Variants in LSAMP observed in about 807,000 individuals in gnomAD.
The protein encoded by LSAMP is limbic system associated membrane protein.
In LSAMP, 7 loss-of-function variants were observed where a neutral mutation model predicts 38.6. The observed-to-expected ratio is 0.18, with a 90% CI of 0.10 to 0.34. The LOEUF (loss-of-function observed/expected upper bound fraction) is 0.34, where lower values mean the gene tolerates loss of function less well. Ranked by LOEUF, LSAMP falls within the 10% of genes least tolerant of loss-of-function variation. The probability of loss-of-function intolerance (pLI) is 1.00; values close to 1 mark genes in which losing one functional copy is unlikely to be tolerated. For synonymous variants in LSAMP, 154 were observed against 166.8 expected (o/e 0.92, Z 0.59); for missense variants, 313 against 420.0 (o/e 0.75, Z 2.23).
At chr3:116,165,758 C>T (rs538766665) in intron 1 of LSAMP, among the ~76,000 whole-genome samples, 1 of 152,316 alleles carries the variant, frequency 6.6e-6, no homozygotes, top group South Asian at 2.1e-4. Context: ...TCACTCCCCT[C>T]TTGTTCTTAA....
At chr3:115,833,757 G>A (rs143112479) in intron 6 of LSAMP, among the ~76,000 whole-genome samples, 15 of 136,444 alleles carry the variant, frequency 1.1e-4, no homozygotes, top group African/African-American at 3.3e-4. Flanking sequence ...CCTAGTTTCC[G>A]TTTTTTTCTC....
chr3:116,372,320 A>G (rs113393832), intron 1 of LSAMP, among the ~76,000 whole-genome samples: 3 of 152,222 alleles, frequency 2.0e-5, no homozygotes, highest in African/African-American at 7.2e-5. Context: ...CAATGGGGGA[A>G]AGGACAGTAT....
At chr3:115,844,920 T>C (rs1193110732) in intron 4 of LSAMP, among the ~76,000 whole-genome samples, 1 of 152,102 alleles carries the variant, frequency 6.6e-6, no homozygotes, top group African/African-American at 2.4e-5. Context: ...GAGGTTGCAG[T>C]GAGCCGAGAT....
At chr3:116,198,186 G>A (rs1339111166) in intron 1 of LSAMP, among the ~76,000 whole-genome samples, 2 of 152,200 alleles carry the variant, frequency 1.3e-5, no homozygotes, top group Non-Finnish European at 2.9e-5. Context: ...CAGATGGGAA[G>A]TTGCTACTGT....
chr3:115,844,135 G>A (rs530893139), intron 4 of LSAMP, among the ~76,000 whole-genome samples: 6 of 152,098 alleles, frequency 3.9e-5, no homozygotes, highest in African/African-American at 1.2e-4. Context: ...ATGATTTATA[G>A]CATCCTTTCC....
chr3:115,891,799 A>G (rs1445446668), intron 3 of LSAMP, among the ~76,000 whole-genome samples: 2 of 151,942 alleles, frequency 1.3e-5, no homozygotes, highest in African/African-American at 4.8e-5. Context: ...CTTCTCTTCC[A>G]TCACACTTCT....
intron 1 of LSAMP, among the ~76,000 whole-genome samples, chr3:116,280,415 AC>A (rs1452386372): frequency 1.2e-4 from 19 of 152,196 alleles, no homozygotes; most frequent in African/African-American, 4.6e-4. Flanking sequence ...AGAAAGAGGG[AC>A]ATTTTCAAGG....
chr3:116,267,873 GGAATGACCAATGAGATGTAAGTAA>G (rs752080025), intron 1 of LSAMP, among the ~76,000 whole-genome samples: 35 of 152,106 alleles, frequency 2.3e-4, no homozygotes, highest in Non-Finnish European at 4.9e-4. Flanking sequence ...CCTTGCTGAT[GGAATGACCAATGAGATGTAAGTAA>G]AAGTCAATGG....
intron 3 of LSAMP, among the ~76,000 whole-genome samples, chr3:115,987,975 A>T (rs773257400): frequency 1.3e-5 from 2 of 152,132 alleles, no homozygotes; most frequent in Non-Finnish European, 2.9e-5. Flanking sequence ...AACTATATGT[A>T]GGTGATTTAT....
At chr3:116,066,874 T>G (rs575485816) in intron 2 of LSAMP, among the ~76,000 whole-genome samples, 4 of 152,364 alleles carry the variant, frequency 2.6e-5, no homozygotes, top group Admixed American at 6.5e-5. Flanking sequence ...AGCTACATTC[T>G]TCATGTTCTT....
At chr3:116,393,556 T>G (rs990868134) in intron 1 of LSAMP, among the ~76,000 whole-genome samples, 3 of 152,136 alleles carry the variant, frequency 2.0e-5, no homozygotes. Flanking sequence ...GTGAGTCAAG[T>G]GCAGCCCACC....
chr3:116,292,621 G>A (rs996661444), intron 1 of LSAMP, among the ~76,000 whole-genome samples: 2 of 152,114 alleles, frequency 1.3e-5, no homozygotes, highest in Non-Finnish European at 2.9e-5. Flanking sequence ...ACAAATGTAC[G>A]ATTTTGTTTA....
chr3:115,814,900 G>A (rs1450553005), intron 6 of LSAMP, among the ~76,000 whole-genome samples: 1 of 152,178 alleles, frequency 6.6e-6, no homozygotes. Flanking sequence ...TAGCCCAGCG[G>A]ACTAAGGCAT....
chr3:116,389,097 A>G (rs1412133201), intron 1 of LSAMP, among the ~76,000 whole-genome samples: 2 of 152,164 alleles, frequency 1.3e-5, no homozygotes, highest in African/African-American at 2.4e-5. Context: ...GGGATGGGAA[A>G]AAGGTTTTTA....
chr3:116,305,631 TATCAA>T (rs1266151917), intron 1 of LSAMP, among the ~76,000 whole-genome samples: 4 of 151,928 alleles, frequency 2.6e-5, no homozygotes, highest in Non-Finnish European at 5.9e-5. Context: ...AAAGTGCAAA[TATCAA>T]AACACAAAAA....
chr3:116,405,459 A>T (rs1174885060), intron 1 of LSAMP, among the ~76,000 whole-genome samples: 1 of 152,102 alleles, frequency 6.6e-6, no homozygotes, highest in Non-Finnish European at 1.5e-5. Context: ...CCACTCTGAG[A>T]TGTTCTGTCT....
At chr3:116,030,617 C>T (rs547069989) in intron 2 of LSAMP, among the ~76,000 whole-genome samples, 1 of 152,192 alleles carries the variant, frequency 6.6e-6, no homozygotes, top group South Asian at 2.1e-4. Flanking sequence ...CCAACCAGAG[C>T]AGATGGTTTT....
chr3:115,941,155 CAT>C (rs2107559360), intron 3 of LSAMP, among the ~76,000 whole-genome samples: 1 of 152,108 alleles, frequency 6.6e-6, no homozygotes, highest in East Asian at 1.9e-4. Context: ...CCAAAGAAAA[CAT>C]ACATGTGGTC....
chr3:115,964,761 G>A (rs1031954192), intron 3 of LSAMP, among the ~76,000 whole-genome samples: 4 of 151,810 alleles, frequency 2.6e-5, no homozygotes, highest in African/African-American at 7.3e-5. Flanking sequence ...GCTTGAATGG[G>A]GATATTTCTA....
Sources: gnomAD v4.1 joint callset for allele counts (sites outside exome capture counted in the v4.1 genomes callset) on GRCh38, gnomAD v4.1.1 for gene constraint, MANE v1.5 for transcripts, NCBI Gene and HGNC (gene_info 2026-07-23, HGNC 2026-07-21) for gene names.